TEX9: variants seen among roughly 807,000 people sequenced by gnomAD.
TEX9 encodes the protein testis expressed 9.
Under a neutral mutation model 59.6 loss-of-function variants are expected in TEX9, and 74 were observed. The ratio of observed to expected loss-of-function variants is 1.24; its 90% CI spans 1.03 to 1.51. The LOEUF (loss-of-function observed/expected upper bound fraction) is 1.51. Among genes scored for constraint, TEX9 ranks in the 40% most tolerant of loss-of-function variants. TEX9 has a pLI of 0.00. For missense variants in TEX9, 522 were observed against 447.8 expected, an observed-to-expected ratio of 1.17 and a Z score of -1.49; for synonymous variants, 186 against 152.2, an observed-to-expected ratio of 1.22 and a Z score of -1.64.
chr15:56,450,346 A>G (rs1051004347), downstream of TEX9, among the ~76,000 whole-genome samples: 1 of 152,208 alleles, frequency 6.6e-6, no homozygotes, highest in Non-Finnish European at 1.5e-5. Flanking sequence ...TTCTGCAACC[A>G]TCAACACTAT....
Position 56,428,351 on chromosome 15 carries a change from ATT to A in TEX9, c.1099-7_1099-6del. The A allele has an allele frequency of 6.8e-7, 1 of 1,471,206 alleles. No homozygotes were observed. The allele number at this position is 1,471,206 out of a possible 1,614,324, so 91.1% of individuals were successfully genotyped here. On this transcript the variant is annotated splice_polypyrimidine_tract_variant and intron_variant, in intron 11 of 12. Transcript: ENST00000352903. Reference sequence around the variant, plus strand: ...CTTAATACTAAATCAGACAATATTGATTTTTTTTTTAACAGATGCATATTGAA... The same window carrying A: ...CTTAATACTAAATCAGACAATATTGATTTTTTTTAACAGATGCATATTGAA...
At chr15:56,260,762 A>C (rs1451264477) in intron 1 of TEX9, among the ~76,000 whole-genome samples, 1 of 152,000 alleles carries the variant, frequency 6.6e-6, no homozygotes, top group Non-Finnish European at 1.5e-5. Context: ...GCCTCAAAAA[A>C]ATGAATTAGG....
chr15:56,284,507 A>C (rs1402544619), intron 1 of TEX9, among the ~76,000 whole-genome samples: 2 of 152,086 alleles, frequency 1.3e-5, no homozygotes, highest in African/African-American at 4.8e-5. Flanking sequence ...ATATTAATTA[A>C]AATAAGGAAT....
At chr15:56,328,386 C>A (rs1326592151) in intron 1 of TEX9, among the ~76,000 whole-genome samples, 2 of 152,162 alleles carry the variant, frequency 1.3e-5, no homozygotes, top group African/African-American at 4.8e-5. Flanking sequence ...ACATTCCCAA[C>A]TGTGGTGACT....
intron 1 of TEX9, among the ~76,000 whole-genome samples, chr15:56,352,940 C>G (rs1293636580): frequency 6.6e-6 from 1 of 152,152 alleles, no homozygotes; most frequent in Non-Finnish European, 1.5e-5. Context: ...TTTCTCTTCT[C>G]CATCTTCTCT....
intron 9 of TEX9, among the ~76,000 whole-genome samples, chr15:56,399,185 G>C (rs35450082): frequency 1.3e-5 from 2 of 152,186 alleles, no homozygotes; most frequent in African/African-American, 4.8e-5. Flanking sequence ...GCAAGGGGTT[G>C]GGGGATTTCC....
intron 1 of TEX9, among the ~76,000 whole-genome samples, chr15:56,315,752 A>G (rs1227059777): frequency 4.1e-5 from 6 of 146,824 alleles, no homozygotes; most frequent in African/African-American, 1.5e-4. Flanking sequence ...GTGTTTTCCA[A>G]CTTGGTTCCA....
intron 3 of TEX9, among the ~76,000 whole-genome samples, chr15:56,379,043 A>G (rs2047592536): frequency 2.0e-5 from 3 of 149,030 alleles, no homozygotes. Flanking sequence ...CAGCCTGGGC[A>G]ACAGAGTTTC....
chr15:56,287,150 G>T (rs1303689453), intron 1 of TEX9, among the ~76,000 whole-genome samples: 4 of 152,070 alleles, frequency 2.6e-5, no homozygotes, highest in Non-Finnish European at 5.9e-5. Context: ...CTTTTTTATA[G>T]AAAGATTATG....
At chr15:56,418,529 T>C (rs1341429516) in intron 10 of TEX9, among the ~76,000 whole-genome samples, 1 of 151,356 alleles carries the variant, frequency 6.6e-6, no homozygotes, top group Non-Finnish European at 1.5e-5. Flanking sequence ...TGGGCGCCTG[T>C]AGTCCCAGCT....
chr15:56,425,799 G>A (rs943450613), intron 10 of TEX9, among the ~76,000 whole-genome samples: 3 of 151,908 alleles, frequency 2.0e-5, no homozygotes, highest in Admixed American at 1.3e-4. Flanking sequence ...ATCTTACATT[G>A]AAAAACGGGT....
chr15:56,278,300 A>G (rs866018800), intron 1 of TEX9, among the ~76,000 whole-genome samples: 2 of 152,200 alleles, frequency 1.3e-5, no homozygotes, highest in African/African-American at 4.8e-5. Flanking sequence ...TATCATAGAG[A>G]AGGAGATGAT....
intron 12 of TEX9, among the ~76,000 whole-genome samples, chr15:56,441,615 AACAG>A (rs1431265015): frequency 6.6e-6 from 1 of 152,236 alleles, no homozygotes; most frequent in East Asian, 1.9e-4. Context: ...CAACAGAATA[AACAG>A]ACAACCTACA....
intron 3 of TEX9, among the ~76,000 whole-genome samples, chr15:56,379,723 G>T (rs2047636431): frequency 6.6e-6 from 1 of 152,182 alleles, no homozygotes; most frequent in South Asian, 2.1e-4. Context: ...GGGTGCTCCA[G>T]TGTTGCATGC....
intron 1 of TEX9, among the ~76,000 whole-genome samples, chr15:56,348,724 C>A (rs1362642150): frequency 6.6e-6 from 1 of 152,026 alleles, no homozygotes; most frequent in African/African-American, 2.4e-5. Context: ...GGCTTCTTTC[C>A]TTTGTATTTA....
chr15:56,387,295 G>T (rs1419371370), intron 4 of TEX9, among the ~76,000 whole-genome samples: 1 of 151,826 alleles, frequency 6.6e-6, no homozygotes, highest in African/African-American at 2.4e-5. Flanking sequence ...GGAATGAAAG[G>T]TACAGAAAAT....
At chr15:56,297,595 C>G (rs2045246964) in intron 1 of TEX9, among the ~76,000 whole-genome samples, 1 of 152,186 alleles carries the variant, frequency 6.6e-6, no homozygotes, top group African/African-American at 2.4e-5. Flanking sequence ...ACCTCTGCCT[C>G]TCTGGTTCAA....
At chr15:56,347,524 A>T (rs1443595026) in intron 1 of TEX9, among the ~76,000 whole-genome samples, 2 of 151,484 alleles carry the variant, frequency 1.3e-5, no homozygotes, top group East Asian at 3.8e-4. Flanking sequence ...CTGGAAACCC[A>T]TAGGCAAAAA....
chr15:56,425,689 A>G (rs1378060756), intron 10 of TEX9, among the ~76,000 whole-genome samples: 1 of 152,152 alleles, frequency 6.6e-6, no homozygotes, highest in African/African-American at 2.4e-5. Context: ...GTCCTTGTCA[A>G]ATAAGTGAGA....
Sources: allele counts gnomAD v4.1 joint callset (sites outside exome capture counted in the v4.1 genomes callset), GRCh38; gene constraint gnomAD v4.1.1; transcripts MANE v1.5; gene names NCBI Gene and HGNC (gene_info 2026-07-23, HGNC 2026-07-21).